The following PCCB variants were observed in gnomAD, a reference collection of about 807,000 sequenced individuals.
The protein encoded by PCCB is propionyl-CoA carboxylase subunit beta, also known as propionyl-CoA carboxylase beta chain, mitochondrial.
A neutral mutation model predicts 60.7 loss-of-function variants in PCCB; 43 were observed. The ratio of observed to expected loss-of-function variants is 0.71; its 90% CI spans 0.55 to 0.91. The LOEUF (loss-of-function observed/expected upper bound fraction) is 0.91. Among genes scored for constraint, PCCB ranks in the 40% least tolerant of loss-of-function variants. The pLI is 0.00. For synonymous variants in PCCB, 276 were observed against 255.9 expected (o/e 1.08, Z -0.75); for missense variants, 766 against 702.8 (o/e 1.09, Z -1.02).
chr3:136,299,586 GTATGCATGTGTATGTATGTA>G (rs1934124600), intron 8 of PCCB, among the ~76,000 whole-genome samples: 2 of 102,784 alleles, frequency 1.9e-5, no homozygotes, highest in Admixed American at 8.5e-5. Context: ...GTATGTATAG[GTATGCATGTGTATGTATGTA>G]TATGCATGTG....
At chr3:136,251,876 C>T (rs1378663119) in intron 1 of PCCB, among the ~76,000 whole-genome samples, 1 of 152,132 alleles carries the variant, frequency 6.6e-6, no homozygotes, top group Non-Finnish European at 1.5e-5. Context: ...TCCTGCACCC[C>T]TTTTTATTTT....
rs765394399 is a variant in PCCB at position 136,317,001 on chromosome 3, G to A, written c.1027G>A (p.Gly343Ser). ...MPNYAKNIIVGFARMNGRTVG... is the reference protein window; with the variant it reads ...MPNYAKNIIVSFARMNGRTVG... ...CAATTATGCCAAGAACATCATTGTT[G>A]GTTTTGCAAGAATGAATGGGAGGAC... The change falls in exon 10 of 15, where the codon GGT becomes AGT. Residue 343 changes from glycine (G) to serine (S), a missense_variant. By Grantham distance (56) the Gly-to-Ser change is moderately conservative. Transcript: ENST00000251654. The A allele has an allele frequency of 6.2e-7, 1 of 1,613,966 alleles. No individual in the cohort carries two copies. The highest frequency in any genetic ancestry group is 8.5e-7 in the Non-Finnish European group (1 of 1,179,930).
chr3:136,267,769 G>T (rs1165611425), intron 5 of PCCB, among the ~76,000 whole-genome samples: 2 of 152,078 alleles, frequency 1.3e-5, no homozygotes, highest in East Asian at 3.9e-4. Flanking sequence ...TTACTGGCAT[G>T]AGCCGATGTG....
At chr3:136,299,990 A>G (rs1246455839) in intron 8 of PCCB, among the ~76,000 whole-genome samples, 1 of 151,822 alleles carries the variant, frequency 6.6e-6, no homozygotes, top group African/African-American at 2.4e-5. Flanking sequence ...ATGCATGTGT[A>G]TATATGCATA....
intron 6 of PCCB, among the ~76,000 whole-genome samples, chr3:136,290,117 CT>C (rs1219813185): frequency 2.0e-5 from 3 of 152,042 alleles, no homozygotes; most frequent in Admixed American, 6.6e-5. Flanking sequence ...TTCTTGAATG[CT>C]CTTTCTTTCT....
intron 5 of PCCB, among the ~76,000 whole-genome samples, chr3:136,267,554 G>T (rs1942037785): frequency 6.6e-6 from 1 of 151,766 alleles, no homozygotes; most frequent in Non-Finnish European, 1.5e-5. Flanking sequence ...GTGTAATCAT[G>T]GCTCACTGCA....
chr3:136,279,702 C>T (rs966989106), intron 5 of PCCB, among the ~76,000 whole-genome samples: 1 of 152,068 alleles, frequency 6.6e-6, no homozygotes, highest in African/African-American at 2.4e-5. Context: ...GAGTTTCGCT[C>T]TGTCGCCCAG....
At chr3:136,297,593 G>A (rs1933993575) in intron 7 of PCCB, among the ~76,000 whole-genome samples, 1 of 152,288 alleles carries the variant, frequency 6.6e-6, no homozygotes, top group Non-Finnish European at 1.5e-5. Context: ...AGTAAACAGG[G>A]AAATAGGTGA....
chr3:136,277,793 C>A (rs1002246650), intron 5 of PCCB, among the ~76,000 whole-genome samples: 7 of 152,242 alleles, frequency 4.6e-5, no homozygotes, highest in African/African-American at 1.7e-4. Flanking sequence ...GGGCTAAGTT[C>A]CAGGCAGCCT....
chr3:136,262,718 A>G (rs1357435876), intron 5 of PCCB, among the ~76,000 whole-genome samples: 1 of 152,176 alleles, frequency 6.6e-6, no homozygotes, highest in Non-Finnish European at 1.5e-5. Context: ...CAGGGAGAAG[A>G]AAGGAAGGAG....
At chr3:136,327,309 C>T (rs953638695) in intron 12 of PCCB, 54 bp downstream of exon 12, 119 of 1,384,646 alleles carry the variant, frequency 8.6e-5, no homozygotes, top group Non-Finnish European at 5.0e-5. Flanking sequence ...ACAGCATAGC[C>T]GTGGTGGGAG....
chr3:136,298,589 T>G (rs1267573695), intron 8 of PCCB, among the ~76,000 whole-genome samples: 2 of 152,224 alleles, frequency 1.3e-5, no homozygotes, highest in African/African-American at 4.8e-5. Context: ...GAAACATGTT[T>G]ATGCATACTG....
rs748846212 is a variant in PCCB, at chr3:136,283,958, AG to A, written c.654+14del. On this transcript the variant is annotated intron_variant, in intron 6 of 14. Coordinates refer to ENST00000251654, the MANE Select transcript of PCCB (RefSeq NM_000532.5). ...ACGTTCATGGTAAAGGTAAGAAAGA[AG>A]GGCCTGTTTTTGGTGCCGTTTGAGA... 6.6e-5 allele frequency: 103 copies of A among 1,553,088 alleles called. No homozygotes were observed. Among genetic ancestry groups the A allele is most frequent in the Non-Finnish European group, 9.1e-5 (102 of 1,124,914 alleles).
intron 5 of PCCB, among the ~76,000 whole-genome samples, chr3:136,278,019 C>G (rs757006650): frequency 1.3e-5 from 2 of 152,140 alleles, no homozygotes; most frequent in Non-Finnish European, 1.5e-5. Flanking sequence ...TGGGGAGATT[C>G]TTTCAACCTG....
At chr3:136,266,638 A>T (rs112339656) in intron 5 of PCCB, among the ~76,000 whole-genome samples, 6 of 152,256 alleles carry the variant, frequency 3.9e-5, no homozygotes, top group African/African-American at 1.2e-4. Context: ...ATCTCACTGT[A>T]GTTCTAGTTT....
chr3:136,253,925 G>A (rs1190596597), intron 1 of PCCB, among the ~76,000 whole-genome samples: 1 of 152,010 alleles, frequency 6.6e-6, no homozygotes, highest in East Asian at 1.9e-4. Flanking sequence ...TGGGATTACA[G>A]GTGTGAGCTG....
At chr3:136,275,738 G>A (rs1942317650) in intron 5 of PCCB, among the ~76,000 whole-genome samples, 1 of 151,898 alleles carries the variant, frequency 6.6e-6, no homozygotes, top group African/African-American at 2.4e-5. Context: ...TTTGTATGAT[G>A]GCTTCTTTAG....
At chr3:136,310,872 T>A (rs894816543) in intron 9 of PCCB, among the ~76,000 whole-genome samples, 6 of 152,158 alleles carry the variant, frequency 3.9e-5, no homozygotes, top group African/African-American at 1.4e-4. Flanking sequence ...AGAAAACCTT[T>A]AAGAAACATC....
intron 6 of PCCB, among the ~76,000 whole-genome samples, chr3:136,290,900 C>G (rs1225741398): frequency 6.6e-6 from 1 of 150,404 alleles, no homozygotes; most frequent in African/African-American, 2.4e-5. Context: ...TTTTTTTGAT[C>G]CATTTTTTTC....
Sources: allele counts gnomAD v4.1 joint callset (sites outside exome capture counted in the v4.1 genomes callset), GRCh38; gene constraint gnomAD v4.1.1; transcripts MANE v1.5; gene names NCBI Gene and HGNC (gene_info 2026-07-23, HGNC 2026-07-21).